Variants in ASIC3 observed in about 807,000 individuals in gnomAD.
ASIC3 encodes acid sensing ion channel subunit 3.
In ASIC3, 46 loss-of-function variants were observed where a neutral mutation model predicts 58.6. The ratio of observed to expected loss-of-function variants is 0.79; its 90% CI spans 0.62 to 1.00. The LOEUF is 1.00. Among genes scored for constraint, ASIC3 ranks in the 50% least tolerant of loss-of-function variants. The pLI is 0.00. For synonymous variants in ASIC3, 336 were observed against 300.2 expected (o/e 1.12, Z -1.23); for missense variants, 770 against 735.0 (o/e 1.05, Z -0.55).
Position 151,051,274 on chromosome 7 carries a change from C to T in ASIC3, c.1169C>T (p.Ala390Val), listed in dbSNP as rs1389700142. 2.6e-6 allele frequency: 4 copies of T among 1,528,576 alleles called. No homozygotes were observed. The East Asian group carries it at 7.6e-5, about 29-fold the overall frequency. 94.7% of individuals were successfully genotyped at this position (1,528,576 alleles called of 1,614,324 possible). ...SMVRIPSRAA[A>V]RFLARKLNRS... ...GTGCGGATCCCGAGCCGCGCCGCCGCGCGCTTCCTGGCCCGGAAGCTCAAC... is the reference window on the plus strand; with the variant it reads ...GTGCGGATCCCGAGCCGCGCCGCCGTGCGCTTCCTGGCCCGGAAGCTCAAC... The change falls in exon 6 of 11, where the codon GCG becomes GTG. Residue 390 changes from alanine (A) to valine (V), a missense_variant. By Grantham distance (64) the Ala-to-Val change is moderately conservative (BLOSUM62 0). Coordinates refer to ENST00000349064, the MANE Select transcript of ASIC3 (RefSeq NM_004769.4).
chr7:151,050,996 G>T, intron 4 of ASIC3, 43 bp downstream of exon 4: 1 of 1,613,170 alleles, frequency 6.2e-7, no homozygotes, highest in Non-Finnish European at 8.5e-7. Flanking sequence ...CAGGGCCCAG[G>T]GAGCTGAGGC....
chr7:151,050,736 C>T (rs1563319484), intron 3 of ASIC3, 22 bp from the exon 4 acceptor site: 5 of 1,612,102 alleles, frequency 3.1e-6, no homozygotes, highest in Admixed American at 3.4e-5. Flanking sequence ...CGGGAAGCCT[C>T]CTTAACCCTG....
chr7:151,050,525 C>G lies in ASIC3; in HGVS notation c.730C>G (p.Gln244Glu). Residue 244 changes from glutamine to glutamate, a missense_variant, in exon 3 of 11, where the codon CAG (glutamine) becomes GAG (glutamate). Physicochemically the swap from Gln to Glu is conservative, Grantham distance 29. Transcript: ENST00000349064. Reference protein sequence around the residue: ...EVGIRVQIHSQEEPPIIDQLG... With the variant: ...EVGIRVQIHSEEEPPIIDQLG... ...GGGGATCCGAGTGCAGATCCACAGCCAGGAGGAGCCGCCCATCATCGATCA... is the reference window on the plus strand; with the variant it reads ...GGGGATCCGAGTGCAGATCCACAGCGAGGAGGAGCCGCCCATCATCGATCA... The G allele has an allele frequency of 6.2e-7, 1 of 1,614,026 alleles. No individual in the cohort carries two copies. The highest frequency in any genetic ancestry group is 8.5e-7 in the Non-Finnish European group (1 of 1,179,962).
rs752155567 is a variant in ASIC3, at chr7:151,051,195, TGCGCCTGCCCCA to T, written c.1091_1102del (p.Cys364_Asn368delinsTyr). ...AGATGCCATGCTTCGCAAGGACTCG[TGCGCCTGCCCCA>T]ACCCGTGCGCCAGCACGCGCTACGC... On this transcript the variant is annotated inframe_deletion, in exon 6 of 11. Coordinates refer to ENST00000349064, the MANE Select transcript of ASIC3 (RefSeq NM_004769.4). 2.8e-5 allele frequency: 45 copies of T among 1,590,056 alleles called. No homozygotes were observed. Among genetic ancestry groups the T allele is most frequent in the Non-Finnish European group, 3.7e-5 (43 of 1,174,114 alleles).
chr7:151,048,754 C>A lies in ASIC3; in HGVS notation c.-132C>A. ...GTGCCTCCCTGCCTTCCAACCTTGG[C>A]TGTCTCCCACCCTCTCTTCTCCTCT... On this transcript the variant is annotated 5_prime_UTR_variant, in exon 1 of 11. It adds an upstream start codon to the 5' untranslated region. Transcript: ENST00000349064. 1.7e-6 allele frequency: 2 copies of A among 1,172,862 alleles called. No individual in the cohort carries two copies. The highest frequency in any genetic ancestry group is 2.4e-6 in the Non-Finnish European group (2 of 830,882). 72.7% of individuals were successfully genotyped at this position (1,172,862 alleles called of 1,614,324 possible).
rs546310892 is a variant in ASIC3, at chr7:151,049,972, G to C, written c.535-134G>C. ...TCCTGCAACATGTGCCCACTGGAGC[G>C]TGGGGCTGGGGGCATTGAGATGCGG... On this transcript the variant is annotated intron_variant, in intron 1 of 10. Coordinates refer to ENST00000349064, the MANE Select transcript of ASIC3 (RefSeq NM_004769.4). The C allele has an allele frequency of 2.5e-6, 3 of 1,183,070 alleles. No homozygotes were observed. The Admixed American group carries it at 6.0e-5, about 24-fold the overall frequency. 73.3% of individuals were successfully genotyped at this position (1,183,070 alleles called of 1,614,324 possible).
Position 151,051,239 on chromosome 7 carries a change from G to A in ASIC3, c.1134G>A (p.Glu378=). 3 of 1,566,216 alleles carry A rather than the reference G, an allele frequency of 1.9e-6. No homozygotes were observed. Among genetic ancestry groups the A allele is most frequent in the South Asian group, 2.3e-5 (2 of 86,746 alleles). The part of the protein sequence containing the change: ...NPCASTRYAK[E]LSMVRIPSRA... ...GCGCCAGCACGCGCTACGCCAAGGA[G>A]CTCTCCATGGTGCGGATCCCGAGCC... is the stretch of plus-strand genomic sequence containing the variant. The change falls in exon 6 of 11, where the codon GAG becomes GAA. Residue 378 remains glutamate (E), a synonymous_variant. Coordinates refer to ENST00000349064, the MANE Select transcript of ASIC3 (RefSeq NM_004769.4).
At position 151,050,152 on chromosome 7, in the gene ASIC3, A is replaced by G. The variant is rs1412569672; in HGVS notation, c.581A>G (p.Asp194Gly). 7 of 1,614,138 alleles carry G rather than the reference A, an allele frequency of 4.3e-6. No individual in the cohort carries two copies. The South Asian group carries it at 5.5e-5, about 13-fold the overall frequency. ...GKCYTFNSGA[D>G]GAELLTTTRG... ...TGCTACACATTTAACTCTGGCGCTG[A>G]TGGGGCAGAGCTGCTCACCACTACT... The change falls in exon 2 of 11, where the codon GAT becomes GGT. Residue 194 changes from aspartate (D) to glycine (G), a missense_variant. Physicochemically the swap from Asp to Gly is moderately conservative, Grantham distance 94. Transcript: ENST00000349064.
chr7:151,051,223 C>A lies in ASIC3; in HGVS notation c.1118C>A (p.Thr373Lys). Reference sequence around the variant, plus strand: ...GCCTGCCCCAACCCGTGCGCCAGCACGCGCTACGCCAAGGAGCTCTCCATG... The same window carrying A: ...GCCTGCCCCAACCCGTGCGCCAGCAAGCGCTACGCCAAGGAGCTCTCCATG... The part of the protein sequence containing the change: ...SCACPNPCAS[T>K]RYAKELSMVR... The change falls in exon 6 of 11, where the codon ACG becomes AAG. Residue 373 changes from threonine (T) to lysine (K), a missense_variant. Physicochemically the swap from Thr to Lys is moderately conservative, Grantham distance 78 (BLOSUM62 -1). Coordinates refer to ENST00000349064, the MANE Select transcript of ASIC3 (RefSeq NM_004769.4). The A allele has an allele frequency of 6.3e-7, 1 of 1,577,238 alleles. No homozygotes were observed. Among genetic ancestry groups the A allele is most frequent in the Non-Finnish European group, 8.6e-7 (1 of 1,169,034 alleles).
Position 151,051,772 on chromosome 7 carries a change from G to A in ASIC3, c.1215-38G>A, listed in dbSNP as rs200114588. 8.0e-5 allele frequency: 128 copies of A among 1,601,474 alleles called. 4 individuals carry two copies. The Middle Eastern group carries it at 3.4e-3, about 42-fold the overall frequency. On this transcript the variant is annotated intron_variant, in intron 6 of 10. Transcript: ENST00000349064. ...TTCTTGCCAGCAGTGGGCACCAGGC[G>A]GTGGCCAGCCCACATTTGAGGCCAT...
In ASIC3 at chr7:151,049,155, C is replaced by G. The variant is rs1796700727; in HGVS notation, c.270C>G (p.Thr90=). The G allele has an allele frequency of 6.2e-7, 1 of 1,613,868 alleles. No homozygotes were observed. The highest frequency in any genetic ancestry group is 1.7e-5 in the Admixed American group (1 of 60,024). The part of the protein sequence containing the change: ...ESHRLIFPAV[T]LCNINPLRRS... ...ACCGGCTCATCTTCCCGGCTGTCAC[C>G]CTGTGCAACATCAACCCACTGCGCC... The change falls in exon 1 of 11, where the codon ACC becomes ACG. Residue 90 remains threonine, a synonymous_variant. Transcript: ENST00000349064.
Position 151,049,773 on chromosome 7 carries a change from G to A in ASIC3, c.535-333G>A, listed in dbSNP as rs370123006. Among the ~76,000 whole-genome samples the A allele has an allele frequency of 2.0e-5, 3 of 152,292 alleles. No individual in the cohort carries two copies. In the South Asian group the frequency reaches 6.2e-4, roughly 32 times the overall value. ...CTATCTCTGCCAGGAGGTGGGGGGGGCTTGCTTTCCCTCTGCCTTTTCAAC... is the reference window on the plus strand; with the variant it reads ...CTATCTCTGCCAGGAGGTGGGGGGGACTTGCTTTCCCTCTGCCTTTTCAAC... On this transcript the variant is annotated intron_variant, in intron 1 of 10. Coordinates refer to ENST00000349064, the MANE Select transcript of ASIC3 (RefSeq NM_004769.4).
Position 151,050,873 on chromosome 7 carries a change from A to G in ASIC3, c.929A>G (p.Tyr310Cys), listed in dbSNP as rs780659806. Residue 310 changes from tyrosine to cysteine, a missense_variant, in exon 4 of 11, where the codon TAT (tyrosine) becomes TGT (cysteine). By Grantham distance (194) the Tyr-to-Cys change is radical. Coordinates refer to ENST00000349064, the MANE Select transcript of ASIC3 (RefSeq NM_004769.4). ...CCCAGCCCCAGCCCCAGCCCTCCCT[A>G]TACCCTTATGGGGTGTCGCCTGGCC... ...GSPSPSPSPPYTLMGCRLACE... is the reference protein window; with the variant it reads ...GSPSPSPSPPCTLMGCRLACE... 1.2e-6 allele frequency: 2 copies of G among 1,613,176 alleles called. No homozygotes were observed. The highest frequency in any genetic ancestry group is 1.3e-5 in the African/African-American group (1 of 74,994).
chr7:151,048,939 C>T lies in ASIC3; in HGVS notation c.54C>T (p.Arg18=), dbSNP rs369454932. The T allele has an allele frequency of 1.3e-5, 21 of 1,580,536 alleles. No homozygotes were observed. The highest frequency in any genetic ancestry group is 6.7e-5 in the African/African-American group (5 of 74,428). The change falls in exon 1 of 11, where the codon CGC becomes CGT. Residue 18 remains arginine (R), a synonymous_variant. Transcript: ENST00000349064. The part of the protein sequence containing the change: ...EEARRPASDI[R]VFASNCSMHG... ...CCCGGCGGCCAGCCTCGGACATCCG[C>T]GTGTTCGCCAGCAACTGCTCGATGC...
At position 151,048,613 on chromosome 7, in the gene ASIC3, G is replaced by C. The variant is rs1796683052; in HGVS notation, c.-273G>C. On this transcript the variant is annotated 5_prime_UTR_variant, in exon 1 of 11. Coordinates refer to ENST00000349064, the MANE Select transcript of ASIC3 (RefSeq NM_004769.4). ...TGCCACGGTCAGCTACGTCCCACCT[G>C]GTCTGCTGCGGAGTCCCCAGCCCAG... is the stretch of plus-strand genomic sequence containing the variant. 1 of 449,670 alleles carries C rather than the reference G, an allele frequency of 2.2e-6. No homozygotes were observed. Among genetic ancestry groups the C allele is most frequent in the Non-Finnish European group, 3.9e-6 (1 of 255,536 alleles). 27.9% of individuals were successfully genotyped at this position (449,670 alleles called of 1,614,324 possible).
Position 151,048,769 on chromosome 7 carries a change from T to C in ASIC3, c.-117T>C. On this transcript the variant is annotated 5_prime_UTR_variant, in exon 1 of 11. Transcript: ENST00000349064. The stretch of plus-strand genomic sequence containing the variant: ...CCAACCTTGGCTGTCTCCCACCCTC[T>C]CTTCTCCTCTCCTTGCCTGGCCTCC... 1 of 1,311,860 alleles carries C rather than the reference T, an allele frequency of 7.6e-7. No individual in the cohort carries two copies. The highest frequency in any genetic ancestry group is 1.0e-6 in the Non-Finnish European group (1 of 955,184). The allele number at this position is 1,311,860 out of a possible 1,614,324, so 81.3% of individuals were successfully genotyped here.
In ASIC3 at chr7:151,052,445, C is replaced by G. The variant is rs367609780; in HGVS notation, c.1488C>G (p.Thr496=). The G allele has an allele frequency of 4.0e-5, 64 of 1,614,108 alleles. No individual in the cohort carries two copies. The highest frequency in any genetic ancestry group is 5.3e-5 in the Non-Finnish European group (63 of 1,179,990). ...AGGAAGGGCTGGGCAGCCATCGAAC[C>G]CAAGTTCCCCACCTCAGCCTGGGCC... ...LLQEGLGSHR[T]QVPHLSLGPR... Residue 496 remains threonine (T), a synonymous_variant, in exon 10 of 11, where the codon ACC becomes ACG. Coordinates refer to ENST00000349064, the MANE Select transcript of ASIC3 (RefSeq NM_004769.4). This position sits in a 1 kb window ranked among gnomAD's most constrained non-coding sequence, Gnocchi z 5.0.
chr7:151,050,054 G>T (rs1489288933), intron 1 of ASIC3, 52 bp from the exon 2 acceptor site: 1 of 1,612,314 alleles, frequency 6.2e-7, no homozygotes, highest in South Asian at 1.1e-5. Flanking sequence ...GAGGTCCCAT[G>T]ACCATGTGCC....
chr7:151,051,271 C>T lies in ASIC3; in HGVS notation c.1166C>T (p.Ala389Val), dbSNP rs527873441. ...ATGGTGCGGATCCCGAGCCGCGCCG[C>T]CGCGCGCTTCCTGGCCCGGAAGCTC... ...LSMVRIPSRA[A>V]ARFLARKLNR... The change falls in exon 6 of 11, where the codon GCC (alanine) becomes GTC (valine). Residue 389 changes from alanine to valine, a missense_variant. Transcript: ENST00000349064. The T allele has an allele frequency of 4.8e-5, 73 of 1,529,378 alleles. No individual in the cohort carries two copies. Among genetic ancestry groups the T allele is most frequent in the South Asian group, 4.0e-4 (33 of 83,110 alleles). The allele number at this position is 1,529,378 out of a possible 1,614,324, so 94.7% of individuals were successfully genotyped here. A position where few individuals can be genotyped will look rare whatever the true frequency, so the allele number is the denominator to read the frequency against.
Sources: gnomAD v4.1 joint callset for allele counts (sites outside exome capture counted in the v4.1 genomes callset) on GRCh38, gnomAD v4.1.1 for gene constraint, Gnocchi (gnomAD v3.1) non-coding constraint, MANE v1.5 for transcripts, NCBI Gene and HGNC (gene_info 2026-07-23, HGNC 2026-07-21) for gene names.